GNG7: variants seen among roughly 807,000 people sequenced by gnomAD.
GNG7 encodes G protein subunit gamma 7, also known as guanine nucleotide-binding protein G(I)/G(S)/G(O) subunit gamma-7.
A neutral mutation model predicts 4.0 loss-of-function variants in GNG7; 1 was observed. The ratio of observed to expected loss-of-function variants is 0.25; its 90% CI spans 0.09 to 1.18. The LOEUF (loss-of-function observed/expected upper bound fraction) is 1.18, where lower values mean the gene tolerates loss of function less well. GNG7 is among the 50% of genes most tolerant of loss of function. GNG7 has a pLI of 0.50. For synonymous variants in GNG7, 34 were observed against 36.9 expected, an observed-to-expected ratio of 0.92 and a Z score of 0.29; for missense variants, 86 against 91.9, an observed-to-expected ratio of 0.94 and a Z score of 0.26.
At position 2,546,937 on chromosome 19, in the gene GNG7, C is replaced by T. The variant is rs1469694905; in HGVS notation, c.-38+8212G>A. On this transcript the variant is annotated intron_variant, in intron 3 of 4. Coordinates refer to ENST00000382159, the MANE Select transcript of GNG7 (RefSeq NM_052847.3). The surrounding 1 kb of genome is among the most constrained non-coding windows in gnomAD (Gnocchi z 6.3). ...GGCTGAGGAAATGCTGTCACCCTGG[C>T]CCCGGGCCAGGGCAAGGGGCAGCGC... Among the ~76,000 whole-genome samples the T allele has an allele frequency of 3.3e-5, 5 of 152,080 alleles. No individual in the cohort carries two copies. The highest frequency in any genetic ancestry group is 7.4e-5 in the Non-Finnish European group (5 of 67,994).
In GNG7 at chr19:2,617,972, G is replaced by A. The variant is rs1010757116; in HGVS notation, c.-78+28252C>T. On this transcript the variant is annotated intron_variant, in intron 2 of 4. Transcript: ENST00000382159. The surrounding 1 kb of genome is among the most constrained non-coding windows in gnomAD (Gnocchi z 4.7). Reference sequence around the variant, plus strand: ...TGGCCTCAAGTGATCCTCCCACCTCGGCCTCCCAAAGCGCTGAGATTACAG... The same window carrying A: ...TGGCCTCAAGTGATCCTCCCACCTCAGCCTCCCAAAGCGCTGAGATTACAG... 2.0e-5 allele frequency among the ~76,000 whole-genome samples: 3 copies of A among 151,726 alleles called. No individual in the cohort carries two copies. Among genetic ancestry groups the A allele is most frequent in the Non-Finnish European group, 4.4e-5 (3 of 67,908 alleles).
chr19:2,524,410 T>A (rs1325417100), intron 3 of GNG7, among the ~76,000 whole-genome samples: 3 of 152,230 alleles, frequency 2.0e-5, no homozygotes, highest in Non-Finnish European at 4.4e-5. Flanking sequence ...GTGGTGTGCA[T>A]GTCAGTGTGC....
At chr19:2,688,379 G>T (rs1160750192) in intron 1 of GNG7, among the ~76,000 whole-genome samples, 1 of 152,204 alleles carries the variant, frequency 6.6e-6, no homozygotes, top group Non-Finnish European at 1.5e-5. Context: ...CAGAGTAGCT[G>T]GTAGGTGGGC....
chr19:2,518,247 C>CG (rs938761962), intron 4 of GNG7, among the ~76,000 whole-genome samples: 17 of 151,892 alleles, frequency 1.1e-4, no homozygotes, highest in East Asian at 3.9e-4. Flanking sequence ...CCTGGCTCCC[C>CG]CCGAGGCCCG....
At chr19:2,533,010 T>C (rs564381163) in intron 3 of GNG7, among the ~76,000 whole-genome samples, 35 of 152,136 alleles carry the variant, frequency 2.3e-4, no homozygotes, top group Admixed American at 3.9e-4. Flanking sequence ...TCATAAGCTT[T>C]TACTCATAAC....
intron 3 of GNG7, among the ~76,000 whole-genome samples, chr19:2,521,495 T>A (rs974864034): frequency 6.6e-6 from 1 of 151,100 alleles, no homozygotes; most frequent in African/African-American, 2.4e-5. Context: ...CTCCCTGCAG[T>A]GCCCCGGACG....
chr19:2,553,742 A>C (rs1392094136), intron 3 of GNG7, among the ~76,000 whole-genome samples: 9 of 148,950 alleles, frequency 6.0e-5, no homozygotes, highest in African/African-American at 1.5e-4. Context: ...ATTACATGCA[A>C]TATATTACAT....
chr19:2,551,674 A>AT (rs1555692994), intron 3 of GNG7, among the ~76,000 whole-genome samples: 4,982 of 109,616 alleles, frequency 0.045, 137 homozygotes, highest in South Asian at 0.07. Flanking sequence ...ATATTTAAAA[A>AT]ATATATATAT....
At chr19:2,654,654 G>A (rs1568275461) in intron 1 of GNG7, among the ~76,000 whole-genome samples, 1 of 152,264 alleles carries the variant, frequency 6.6e-6, no homozygotes, top group Non-Finnish European at 1.5e-5. Context: ...GAGAGAGGAG[G>A]AGAATCCCGG....
chr19:2,576,842 C>T lies in GNG7; in HGVS notation c.-77-21654G>A, dbSNP rs920619146. 1.1e-4 allele frequency among the ~76,000 whole-genome samples: 16 copies of T among 151,958 alleles called. 1 individual carries two copies. Among genetic ancestry groups the T allele is most frequent in the African/African-American group, 2.4e-5 (1 of 41,334 alleles). Reference sequence around the variant, plus strand: ...AAGATTACAGGAGTGCAGCATCACCCTGGCTAATTTTTAAAATTTGTTCTA... The same window carrying T: ...AAGATTACAGGAGTGCAGCATCACCTTGGCTAATTTTTAAAATTTGTTCTA... On this transcript the variant is annotated intron_variant, in intron 2 of 4. Transcript: ENST00000382159.
At position 2,512,049 on chromosome 19, in the gene GNG7, G is replaced by T. The variant is rs116618721; in HGVS notation, c.*2973C>A. 11 of 985,808 alleles carry T rather than the reference G, an allele frequency of 1.1e-5. No individual in the cohort carries two copies. The highest frequency in any genetic ancestry group is 1.3e-5 in the Non-Finnish European group (11 of 829,930). The allele number at this position is 985,808 out of a possible 1,614,324, so 61.1% of individuals were successfully genotyped here. A position where few individuals can be genotyped will look rare whatever the true frequency, so the allele number is the denominator to read the frequency against. On this transcript the variant is annotated 3_prime_UTR_variant, in exon 5 of 5. Coordinates refer to ENST00000382159, the MANE Select transcript of GNG7 (RefSeq NM_052847.3). The surrounding 1 kb of genome is among the most constrained non-coding windows in gnomAD (Gnocchi z 4.7). ...AGACCCAGGCTACAGAAGGAGAAAC[G>T]GCCTTCTCTCTCCCACCCGACGCTG...
chr19:2,538,417 GT>G (rs1568235574), intron 3 of GNG7: 6 of 373,392 alleles, frequency 1.6e-5, no homozygotes, highest in Non-Finnish European at 2.6e-5. Context: ...GAGGCCAGGA[GT>G]TTGAGACCAG....
chr19:2,582,700 G>A (rs1293430770), intron 2 of GNG7, among the ~76,000 whole-genome samples: 12 of 120,626 alleles, frequency 9.9e-5, no homozygotes, highest in South Asian at 8.1e-4. Context: ...ACAGAGTCTC[G>A]CTCTGTCACC....
intron 2 of GNG7, among the ~76,000 whole-genome samples, chr19:2,637,436 G>A (rs544706981): frequency 2.0e-4 from 31 of 152,062 alleles, no homozygotes; most frequent in Admixed American, 1.0e-3. Context: ...TCTCCTCCCC[G>A]TCCGTCCTTG....
intron 2 of GNG7, chr19:2,632,442 AAC>A (rs1491433728): frequency 2.0e-5 from 3 of 151,632 alleles, no homozygotes; most frequent in African/African-American, 7.3e-5. Flanking sequence ...AAAAAAAAAA[AAC>A]AAAAAAACCC....
chr19:2,699,437 C>A (rs1330577236), intron 1 of GNG7, among the ~76,000 whole-genome samples: 3 of 152,148 alleles, frequency 2.0e-5, no homozygotes, highest in African/African-American at 7.2e-5. Context: ...GCGTGAGCCA[C>A]CGCACCCAGC....
rs374944301 is a variant in GNG7, at chr19:2,568,315, G to A, written c.-77-13127C>T. ...TATACACACGCACACACATACACAC[G>A]CACACACACATATACACACATATAG... On this transcript the variant is annotated intron_variant, in intron 2 of 4. Transcript: ENST00000382159. 9.2e-3 allele frequency among the ~76,000 whole-genome samples: 636 copies of A among 69,344 alleles called. 3 individuals are homozygous for A. The highest frequency in any genetic ancestry group is 0.027 in the African/African-American group (557 of 20,270). 45.5% of individuals were successfully genotyped at this position (69,344 alleles called of 152,430 possible).
intron 1 of GNG7, among the ~76,000 whole-genome samples, chr19:2,669,903 G>A (rs779890913): frequency 2.0e-5 from 3 of 151,888 alleles, no homozygotes; most frequent in Non-Finnish European, 4.4e-5. Context: ...CCAGCTACTC[G>A]GGAGGCTGAG....
intron 3 of GNG7, among the ~76,000 whole-genome samples, chr19:2,523,563 T>G (rs1978321162): frequency 6.6e-6 from 1 of 152,048 alleles, no homozygotes; most frequent in Non-Finnish European, 1.5e-5. Context: ...TCCCTGTTAG[T>G]GCCTCAACTA....
Sources: gnomAD v4.1 joint callset for allele counts (sites outside exome capture counted in the v4.1 genomes callset) on GRCh38, gnomAD v4.1.1 for gene constraint, Gnocchi (gnomAD v3.1) non-coding constraint, MANE v1.5 for transcripts, NCBI Gene and HGNC (gene_info 2026-07-23, HGNC 2026-07-21) for gene names.